SLIT1: variants seen among roughly 807,000 people sequenced by gnomAD.
SLIT1 encodes the protein slit guidance ligand 1.
A neutral mutation model predicts 186.1 loss-of-function variants in SLIT1; 66 were observed. The ratio of observed to expected loss-of-function variants is 0.35; its 90% CI spans 0.29 to 0.44. The LOEUF (loss-of-function observed/expected upper bound fraction) is 0.44, where lower values mean the gene tolerates loss of function less well. SLIT1 is among the 20% of genes least tolerant of loss of function. The probability of loss-of-function intolerance (pLI) is 1.00; values close to 1 mark genes in which losing one functional copy is unlikely to be tolerated. For synonymous variants in SLIT1, 761 were observed against 833.8 expected (o/e 0.91, Z 1.50); for missense variants, 1,638 against 2,037.4 (o/e 0.80, Z 3.77).
In SLIT1 at chr10:97,039,958, G is replaced by A. The variant is rs76031413; in HGVS notation, c.2297+30C>T. 7.1e-4 allele frequency: 1,149 copies of A among 1,611,184 alleles called. 17 individuals are homozygous for A. In the East Asian group the frequency reaches 0.02, roughly 28 times the overall value. ...CACTGTCCCCGTCCTGTGGACCCAC[G>A]TGAAGGGGGCAAGGCCTTGAGCTAC... On this transcript the variant is annotated intron_variant, in intron 21 of 36. Transcript: ENST00000266058.
chr10:97,024,742 AT>A lies in SLIT1; in HGVS notation c.2583-3330del, dbSNP rs564985375. 5.1e-4 allele frequency among the ~76,000 whole-genome samples: 77 copies of A among 152,342 alleles called. 1 individual carries two copies. Among genetic ancestry groups the A allele is most frequent in the Middle Eastern group, 3.4e-3 (1 of 294 alleles). ...ATAAATACACAATGTATTTCTAAGT[AT>A]TTTTTATAGCACATGATAAGGAGTG... On this transcript the variant is annotated intron_variant, in intron 25 of 36. Coordinates refer to ENST00000266058, the MANE Select transcript of SLIT1 (RefSeq NM_003061.3).
At chr10:97,078,397 C>T (rs1438048247) in intron 4 of SLIT1, among the ~76,000 whole-genome samples, 1 of 152,108 alleles carries the variant, frequency 6.6e-6, no homozygotes, top group Non-Finnish European at 1.5e-5. Context: ...GTTGCAGAAA[C>T]CTCATCAGGC....
At chr10:97,079,974 C>T (rs1456705442) in intron 4 of SLIT1, among the ~76,000 whole-genome samples, 3 of 152,072 alleles carry the variant, frequency 2.0e-5, no homozygotes, top group African/African-American at 7.2e-5. Flanking sequence ...GGTCCAAATG[C>T]CTTCTCTGCC....
rs552378933 is a variant in SLIT1, at chr10:97,002,252, G to A, written c.4272C>T (p.Gly1424=). The A allele has an allele frequency of 6.2e-7, 1 of 1,600,842 alleles. No individual in the cohort carries two copies. Among genetic ancestry groups the A allele is most frequent in the Non-Finnish European group, 8.5e-7 (1 of 1,173,548 alleles). The part of the protein sequence containing the change: ...QAGALAEPCR[G]LQCLHGHCQA... ...GGCAGTGGCCATGCAGGCACTGCAG[G>A]CCTCTGCAGGGCTCTGCCAGGGCCC... The change falls in exon 36 of 37, where the codon GGC becomes GGT. Residue 1424 remains glycine, a synonymous_variant. Coordinates refer to ENST00000266058, the MANE Select transcript of SLIT1 (RefSeq NM_003061.3).
chr10:97,073,883 G>T (rs1849022752), intron 4 of SLIT1, among the ~76,000 whole-genome samples: 1 of 152,100 alleles, frequency 6.6e-6, no homozygotes, highest in Admixed American at 6.6e-5. Flanking sequence ...CCTCACCTCT[G>T]CTGACATTCC....
intron 1 of SLIT1, among the ~76,000 whole-genome samples, chr10:97,181,070 C>T (rs1850330815): frequency 6.6e-6 from 1 of 152,178 alleles, no homozygotes; most frequent in East Asian, 1.9e-4. Flanking sequence ...GTCGTCGTCC[C>T]GTTTTACAGA....
At chr10:97,134,651 C>T (rs113921949) in intron 4 of SLIT1, among the ~76,000 whole-genome samples, 2 of 152,330 alleles carry the variant, frequency 1.3e-5, no homozygotes, top group African/African-American at 4.8e-5. Context: ...AGCAGGCATC[C>T]CTCCACGCCA....
intron 18 of SLIT1, among the ~76,000 whole-genome samples, chr10:97,044,188 G>A (rs1396531664): frequency 6.6e-6 from 1 of 152,160 alleles, no homozygotes; most frequent in Non-Finnish European, 1.5e-5. Context: ...TGAAACCAGG[G>A]GTTTGAGACC....
At position 97,001,055 on chromosome 10, in the gene SLIT1, G is replaced by A. The variant is rs776917721; in HGVS notation, c.*57C>T. 59 of 1,421,222 alleles carry A rather than the reference G, an allele frequency of 4.2e-5. No individual in the cohort carries two copies. Among genetic ancestry groups the A allele is most frequent in the Non-Finnish European group, 5.1e-5 (52 of 1,016,202 alleles). 88.0% of individuals were successfully genotyped at this position (1,421,222 alleles called of 1,614,324 possible). ...AGCCCAGCTGCTGGCGACTGTCTCCGCTGCTGCAGCGGCTGGGGCCCCTTG... is the reference window on the plus strand; with the variant it reads ...AGCCCAGCTGCTGGCGACTGTCTCCACTGCTGCAGCGGCTGGGGCCCCTTG... On this transcript the variant is annotated 3_prime_UTR_variant, in exon 37 of 37. Transcript: ENST00000266058.
intron 13 of SLIT1, among the ~76,000 whole-genome samples, chr10:97,055,744 CTA>C (rs1302126187): frequency 6.6e-6 from 1 of 152,182 alleles, no homozygotes; most frequent in African/African-American, 2.4e-5. Flanking sequence ...TTATTGCTCT[CTA>C]ATTTTTTTAT....
chr10:97,034,366 C>T lies in SLIT1; in HGVS notation c.2438+105G>A, dbSNP rs766941437. 4.5e-5 allele frequency: 37 copies of T among 815,218 alleles called. No individual in the cohort carries two copies. In the African/African-American group the frequency reaches 4.7e-4, roughly 10 times the overall value. 50.5% of individuals were successfully genotyped at this position (815,218 alleles called of 1,614,324 possible). On this transcript the variant is annotated intron_variant, in intron 23 of 36. Coordinates refer to ENST00000266058, the MANE Select transcript of SLIT1 (RefSeq NM_003061.3). ...CCGGCACCCTCTCCAGAGGGCAAGG[C>T]GTCTGCAGGCGAGGGATCTGGGAGC...
intron 4 of SLIT1, among the ~76,000 whole-genome samples, chr10:97,146,967 G>A (rs908631188): frequency 6.6e-6 from 1 of 152,116 alleles, no homozygotes; most frequent in African/African-American, 2.4e-5. Flanking sequence ...GAGCATTGTG[G>A]GGGCTCTGAC....
chr10:97,105,350 C>T (rs1318260234), intron 4 of SLIT1, among the ~76,000 whole-genome samples: 1 of 152,128 alleles, frequency 6.6e-6, no homozygotes, highest in African/African-American at 2.4e-5. Flanking sequence ...AGCGGGGCTG[C>T]CTGGCCACAC....
intron 4 of SLIT1, among the ~76,000 whole-genome samples, chr10:97,099,761 G>A (rs1039003473): frequency 2.0e-5 from 3 of 152,132 alleles, no homozygotes; most frequent in African/African-American, 4.8e-5. Context: ...GTACCTTCTC[G>A]CCCAGGGGAG....
intron 4 of SLIT1, among the ~76,000 whole-genome samples, chr10:97,076,544 A>T (rs2134650167): frequency 6.6e-6 from 1 of 151,860 alleles, no homozygotes; most frequent in East Asian, 1.9e-4. Context: ...TCTCCAGCCC[A>T]TGAAACAACA....
chr10:97,056,302 AAGGCATC>A lies in SLIT1; in HGVS notation c.1301+12_1301+18del. 3 of 1,613,222 alleles carry A rather than the reference AAGGCATC, an allele frequency of 1.9e-6. No individual in the cohort carries two copies. The highest frequency in any genetic ancestry group is 2.5e-6 in the Non-Finnish European group (3 of 1,179,288). The stretch of plus-strand genomic sequence containing the variant: ...CCACCTGCTGGGAGGGGAGAAGAAG[AAGGCATC>A]AGGGCACTCACAGAGTCTGGATGGC... On this transcript the variant is annotated intron_variant, in intron 13 of 36. Transcript: ENST00000266058.
At chr10:97,084,546 G>A (rs1003470077) in intron 4 of SLIT1, among the ~76,000 whole-genome samples, 2 of 152,026 alleles carry the variant, frequency 1.3e-5, no homozygotes, top group Admixed American at 6.6e-5. Flanking sequence ...ATAAATAGGA[G>A]CTCTTGCTAT....
chr10:97,057,389 T>C (rs1589377452), intron 11 of SLIT1, 108 bp from the exon 12 acceptor site: 2 of 766,882 alleles, frequency 2.6e-6, no homozygotes, highest in East Asian at 2.5e-5. Flanking sequence ...GCCATTTACA[T>C]GGAGCACATC....
chr10:97,164,876 T>C lies in SLIT1; in HGVS notation c.212A>G (p.Asn71Ser). The C allele has an allele frequency of 6.2e-7, 1 of 1,613,318 alleles. No individual in the cohort carries two copies. Among genetic ancestry groups the C allele is most frequent in the Non-Finnish European group, 8.5e-7 (1 of 1,179,458 alleles). ...RNTERLELNGNNITRIHKNDF... is the reference protein window; with the variant it reads ...RNTERLELNGSNITRIHKNDF... ...ATTCTTATGGATCCGAGTGATGTTG[T>C]TGCCATTGAGTTCCCTGGAGGAAGA... The change falls in exon 2 of 37, where the codon AAC becomes AGC. Residue 71 changes from asparagine (N) to serine (S), a missense_variant. Physicochemically the swap from Asn to Ser is conservative, Grantham distance 46 (BLOSUM62 1). Transcript: ENST00000266058.
Sources: allele counts gnomAD v4.1 joint callset (sites outside exome capture counted in the v4.1 genomes callset), GRCh38; gene constraint gnomAD v4.1.1; transcripts MANE v1.5; gene names NCBI Gene and HGNC (gene_info 2026-07-23, HGNC 2026-07-21).